Variants in EXOC4 observed in about 807,000 individuals in gnomAD.
EXOC4 encodes the protein exocyst complex component 4, also known as SEC8-like 1.
EXOC4 carries 71 observed loss-of-function variants against 107.2 expected under a neutral mutation model. That is an observed-to-expected ratio of 0.66 (90% confidence interval 0.55 to 0.81). The LOEUF (loss-of-function observed/expected upper bound fraction) is 0.81. Ranked by LOEUF, EXOC4 falls within the 30% of genes least tolerant of loss-of-function variation. EXOC4 has a pLI of 0.00. For missense variants in EXOC4, 1,108 were observed against 1,189.6 expected, an observed-to-expected ratio of 0.93 and a Z score of 1.01; for synonymous variants, 456 against 441.2, an observed-to-expected ratio of 1.03 and a Z score of -0.42.
chr7:133,710,909 G>A (rs1391668233), intron 10 of EXOC4, among the ~76,000 whole-genome samples: 5 of 65,862 alleles, frequency 7.6e-5, no homozygotes, highest in Non-Finnish European at 1.7e-4. Context: ...AATTTTAACA[G>A]CCAGAAAAAA....
intron 11 of EXOC4, among the ~76,000 whole-genome samples, chr7:133,847,810 G>A (rs1362930617): frequency 1.3e-5 from 2 of 150,510 alleles, no homozygotes; most frequent in Non-Finnish European, 2.9e-5. Flanking sequence ...CCAGGTTCAA[G>A]CAATTCTCCT....
At chr7:133,382,758 C>A (rs1796645223) in intron 7 of EXOC4, among the ~76,000 whole-genome samples, 1 of 152,094 alleles carries the variant, frequency 6.6e-6, no homozygotes, top group African/African-American at 2.4e-5. Context: ...ATATTAAATT[C>A]TTTGTATAGT....
In EXOC4 at chr7:133,305,959, A is replaced by T; in HGVS notation, c.554A>T (p.Lys185Met). ...CTTCGACTAGAGCTTCACAGCAAGAAGATGAACCTTCACTTGGTTCTCATA... is the reference window on the plus strand; with the variant it reads ...CTTCGACTAGAGCTTCACAGCAAGATGATGAACCTTCACTTGGTTCTCATA... ...SDLRLELHSK[K>M]MNLHLVLIDE... The change falls in exon 4 of 18, where the codon AAG becomes ATG. Residue 185 changes from lysine to methionine, a missense_variant. Transcript: ENST00000253861. 1 of 1,614,016 alleles carries T rather than the reference A, an allele frequency of 6.2e-7. No individual in the cohort carries two copies. Among genetic ancestry groups the T allele is most frequent in the Non-Finnish European group, 8.5e-7 (1 of 1,179,936 alleles).
chr7:133,381,668 T>C (rs991887195), intron 7 of EXOC4, among the ~76,000 whole-genome samples: 1 of 152,126 alleles, frequency 6.6e-6, no homozygotes, highest in African/African-American at 2.4e-5. Flanking sequence ...TCTAAGTGGT[T>C]TGTGATTTAT....
intron 9 of EXOC4, among the ~76,000 whole-genome samples, chr7:133,568,879 T>C (rs1488814415): frequency 6.6e-6 from 1 of 152,162 alleles, no homozygotes; most frequent in Non-Finnish European, 1.5e-5. Context: ...AACTGAAGGA[T>C]TTATTTAGAA....
intron 17 of EXOC4, among the ~76,000 whole-genome samples, chr7:134,044,471 T>C (rs953161587): frequency 6.6e-6 from 1 of 152,128 alleles, no homozygotes; most frequent in African/African-American, 2.4e-5. Context: ...GTTTGAACAG[T>C]GTCTACTTTT....
chr7:133,711,406 A>C (rs954934493), intron 10 of EXOC4, among the ~76,000 whole-genome samples: 2 of 152,204 alleles, frequency 1.3e-5, no homozygotes, highest in Non-Finnish European at 2.9e-5. Flanking sequence ...GGAAGGATGC[A>C]CAAACTGAAA....
chr7:133,868,607 C>T (rs1235110642), intron 11 of EXOC4, among the ~76,000 whole-genome samples: 1 of 152,212 alleles, frequency 6.6e-6, no homozygotes, highest in South Asian at 2.1e-4. Flanking sequence ...CTCCCTTTTG[C>T]CCCCACGTCC....
At chr7:133,724,787 G>A (rs1385708334) in intron 10 of EXOC4, among the ~76,000 whole-genome samples, 1 of 152,188 alleles carries the variant, frequency 6.6e-6, no homozygotes, top group Non-Finnish European at 1.5e-5. Flanking sequence ...GTTCTAGCAA[G>A]AGGGAACAGC....
chr7:134,069,280 CCTT>C (rs1796235451), downstream of EXOC4, among the ~76,000 whole-genome samples: 1 of 117,620 alleles, frequency 8.5e-6, no homozygotes, highest in South Asian at 2.8e-4. Flanking sequence ...TTCTCCTCCT[CCTT>C]CTCCCCCTCA....
intron 4 of EXOC4, among the ~76,000 whole-genome samples, chr7:133,314,351 G>A (rs1225196778): frequency 6.6e-6 from 1 of 152,144 alleles, no homozygotes. Context: ...GTCATTTCCA[G>A]AGTTACTTGC....
chr7:133,526,056 T>G (rs527721959), intron 9 of EXOC4, among the ~76,000 whole-genome samples: 166 of 152,298 alleles, frequency 1.1e-3, no homozygotes, highest in Non-Finnish European at 1.8e-3. Context: ...CAAACATTAG[T>G]GACAAGGCCT....
chr7:133,371,641 G>T (rs992268434), intron 6 of EXOC4, among the ~76,000 whole-genome samples: 1 of 152,092 alleles, frequency 6.6e-6, no homozygotes, highest in South Asian at 2.1e-4. Flanking sequence ...TCAGTTGATG[G>T]ATATTTGGAT....
intron 9 of EXOC4, among the ~76,000 whole-genome samples, chr7:133,572,477 T>A (rs1482702275): frequency 6.6e-6 from 1 of 152,064 alleles, no homozygotes; most frequent in Non-Finnish European, 1.5e-5. Context: ...TCAAGAATAA[T>A]AAATATCCAA....
intron 10 of EXOC4, among the ~76,000 whole-genome samples, chr7:133,759,471 A>G (rs1045555542): frequency 2.0e-5 from 3 of 152,242 alleles, no homozygotes; most frequent in Non-Finnish European, 2.9e-5. Flanking sequence ...CTTTCCAAGT[A>G]CAAGTATTAT....
At chr7:133,899,056 T>A (rs1190643153) in intron 12 of EXOC4, among the ~76,000 whole-genome samples, 1 of 151,422 alleles carries the variant, frequency 6.6e-6, no homozygotes, top group Non-Finnish European at 1.5e-5. Flanking sequence ...AATAATATTA[T>A]ATTTTAAATT....
chr7:133,999,172 A>G (rs1794469912), intron 15 of EXOC4, among the ~76,000 whole-genome samples: 1 of 152,196 alleles, frequency 6.6e-6, no homozygotes, highest in Admixed American at 6.5e-5. Flanking sequence ...ATTGCTTTGG[A>G]ACATGATTAA....
intron 11 of EXOC4, among the ~76,000 whole-genome samples, chr7:133,880,754 T>C (rs561276869): frequency 6.6e-6 from 1 of 152,340 alleles, no homozygotes; most frequent in African/African-American, 2.4e-5. Flanking sequence ...GCTGTGCTTA[T>C]AAGATTATGT....
At chr7:133,749,364 T>C (rs1297437833) in intron 10 of EXOC4, among the ~76,000 whole-genome samples, 1 of 152,158 alleles carries the variant, frequency 6.6e-6, no homozygotes, top group Non-Finnish European at 1.5e-5. Flanking sequence ...ATAATCAGAA[T>C]GAAGAACTCT....
Sources: allele counts gnomAD v4.1 joint callset (sites outside exome capture counted in the v4.1 genomes callset), GRCh38; gene constraint gnomAD v4.1.1; transcripts MANE v1.5; gene names NCBI Gene and HGNC (gene_info 2026-07-23, HGNC 2026-07-21).